ILDR2: variants seen among roughly 807,000 people sequenced by gnomAD.
The protein encoded by ILDR2 is immunoglobulin like domain containing receptor 2, also known as immunoglobulin-like domain-containing receptor 2.
A neutral mutation model predicts 66.8 loss-of-function variants in ILDR2; 25 were observed. That is an observed-to-expected ratio of 0.37 (90% CI 0.27 to 0.52). The LOEUF (loss-of-function observed/expected upper bound fraction) is 0.52, where lower values mean the gene tolerates loss of function less well. Among genes scored for constraint, ILDR2 ranks in the 20% least tolerant of loss-of-function variants. The pLI, the probability that ILDR2 is intolerant of heterozygous loss-of-function variation, is 0.88. For synonymous variants in ILDR2, 367 were observed against 357.2 expected, an observed-to-expected ratio of 1.03 and a Z score of -0.31; for missense variants, 827 against 876.8, an observed-to-expected ratio of 0.94 and a Z score of 0.72.
At chr1:166,954,436 AGATTTCT>A (rs955572446) in intron 3 of ILDR2, among the ~76,000 whole-genome samples, 8 of 152,218 alleles carry the variant, frequency 5.3e-5, no homozygotes, top group African/African-American at 1.7e-4. Flanking sequence ...AAATTTTTGT[AGATTTCT>A]AACTAACCCC....
chr1:166,938,661 A>G (rs1357778981), intron 4 of ILDR2, among the ~76,000 whole-genome samples: 3 of 152,232 alleles, frequency 2.0e-5, no homozygotes, highest in Non-Finnish European at 4.4e-5. Flanking sequence ...GTTTTTAAAA[A>G]TTTGGATTAA....
intron 7 of ILDR2, among the ~76,000 whole-genome samples, chr1:166,924,011 C>G (rs536684979): frequency 5.6e-5 from 8 of 142,852 alleles, no homozygotes; most frequent in African/African-American, 2.1e-4. Flanking sequence ...TCCCCCCTTG[C>G]TATCCCCAAG....
chr1:166,906,395 A>G (rs1659350705), downstream of ILDR2, among the ~76,000 whole-genome samples: 1 of 152,188 alleles, frequency 6.6e-6, no homozygotes. Flanking sequence ...TTCCTAAAAG[A>G]TGCAACATCC....
At chr1:166,963,019 C>T (rs1662713707) in intron 1 of ILDR2, among the ~76,000 whole-genome samples, 1 of 152,204 alleles carries the variant, frequency 6.6e-6, no homozygotes, top group Non-Finnish European at 1.5e-5. Context: ...ATCGTCTCCT[C>T]TTTTCCCACC....
At chr1:166,972,202 ACT>A (rs1262128057) in intron 1 of ILDR2, among the ~76,000 whole-genome samples, 2 of 150,548 alleles carry the variant, frequency 1.3e-5, no homozygotes, top group Non-Finnish European at 3.0e-5. Context: ...ACAGAGTGAG[ACT>A]CTGTCTCTCA....
rs1057198618 is a variant in ILDR2, at chr1:166,913,221, T to C, written c.*6134A>G. ...GTAACAAATGTAGGTAAGAATTCTTTATTACGTTTAAAACATTACAACCAA... is the reference window on the plus strand; with the variant it reads ...GTAACAAATGTAGGTAAGAATTCTTCATTACGTTTAAAACATTACAACCAA... On this transcript the variant is annotated 3_prime_UTR_variant, in exon 10 of 10. Coordinates refer to ENST00000271417, the MANE Select transcript of ILDR2 (RefSeq NM_199351.3). 6.6e-6 allele frequency: 1 copy of C among 152,184 alleles called. No homozygotes were observed. Among genetic ancestry groups the C allele is most frequent in the Non-Finnish European group, 1.5e-5 (1 of 68,030 alleles). 9.4% of individuals were successfully genotyped at this position (152,184 alleles called of 1,614,324 possible).
chr1:166,912,805 A>G lies in ILDR2; in HGVS notation c.*6550T>C, dbSNP rs1659498407. 3 of 152,224 alleles carry G rather than the reference A, an allele frequency of 2.0e-5. No homozygotes were observed. Among genetic ancestry groups the G allele is most frequent in the Admixed American group, 2.0e-4 (3 of 15,282 alleles). 9.4% of individuals were successfully genotyped at this position (152,224 alleles called of 1,614,324 possible). ...GCTGTGGAATTTCTCAAATCTTAAC[A>G]GAACTTGAAATGTCCTCCCACGAAT... On this transcript the variant is annotated 3_prime_UTR_variant, in exon 10 of 10. Transcript: ENST00000271417.
At chr1:166,951,150 C>T (rs1195845611) in intron 3 of ILDR2, among the ~76,000 whole-genome samples, 2 of 152,168 alleles carry the variant, frequency 1.3e-5, no homozygotes, top group Non-Finnish European at 2.9e-5. Context: ...GGGTGGTATA[C>T]TACAGTCCTC....
Position 166,936,715 on chromosome 1 carries a change from C to A in ILDR2, c.579G>T (p.Val193=). Residue 193 remains valine (V), a synonymous_variant, in exon 5 of 10, where the codon GTG becomes GTT. Coordinates refer to ENST00000271417, the MANE Select transcript of ILDR2 (RefSeq NM_199351.3). This position sits in a 1 kb window ranked among gnomAD's most constrained non-coding sequence, Gnocchi z 5.0. Reference sequence around the variant, plus strand: ...CGAAGAAGAGGAAGACGCCCAGGAGCACCAGGCCAACAAACACCCACTCTG... The same window carrying A: ...CGAAGAAGAGGAAGACGCCCAGGAGAACCAGGCCAACAAACACCCACTCTG... ...IMPEWVFVGL[V]LLGVFLFFVL... is the part of the protein sequence containing the mutation. 1 of 1,614,128 alleles carries A rather than the reference C, an allele frequency of 6.2e-7. No individual in the cohort carries two copies. Among genetic ancestry groups the A allele is most frequent in the Admixed American group, 1.7e-5 (1 of 60,030 alleles).
chr1:166,898,694 T>C (rs1206731436), intron 2 of ILDR2, among the ~76,000 whole-genome samples: 1 of 152,248 alleles, frequency 6.6e-6, no homozygotes, highest in Non-Finnish European at 1.5e-5. Flanking sequence ...CTTTTCTTAA[T>C]GCCAAAGACA....
chr1:166,896,784 T>C (rs976860118), intron 2 of ILDR2, among the ~76,000 whole-genome samples: 2 of 151,922 alleles, frequency 1.3e-5, no homozygotes, highest in African/African-American at 2.4e-5. Flanking sequence ...TACAGGCACA[T>C]GTCACCACAC....
At chr1:166,968,022 C>T (rs1424344505) in intron 1 of ILDR2, among the ~76,000 whole-genome samples, 1 of 152,100 alleles carries the variant, frequency 6.6e-6, no homozygotes, top group Non-Finnish European at 1.5e-5. Context: ...CTGCTACAAG[C>T]CTTGTCCATG....
At chr1:166,933,131 C>T (rs1256396114) in intron 6 of ILDR2, among the ~76,000 whole-genome samples, 3 of 152,172 alleles carry the variant, frequency 2.0e-5, no homozygotes, top group South Asian at 2.1e-4. Context: ...CTAACAGAAC[C>T]GTGATTTTGT....
intron 6 of ILDR2, among the ~76,000 whole-genome samples, chr1:166,933,719 A>C (rs1660772818): frequency 6.6e-6 from 1 of 152,216 alleles, no homozygotes; most frequent in Non-Finnish European, 1.5e-5. Flanking sequence ...AAAGACAAAG[A>C]GTATGAGATA....
In ILDR2 at chr1:166,924,487, C is replaced by A. The variant is rs140650034; in HGVS notation, c.995-1678G>T. ...TAAGTTGTATATTGTGCTAAAATTTCTGCCAAGTTGAACATAAACATCGAC... is the reference window on the plus strand; with the variant it reads ...TAAGTTGTATATTGTGCTAAAATTTATGCCAAGTTGAACATAAACATCGAC... On this transcript the variant is annotated intron_variant, in intron 7 of 9. Transcript: ENST00000271417. Among the ~76,000 whole-genome samples, 55 of 152,298 alleles carry A rather than the reference C, an allele frequency of 3.6e-4. No individual in the cohort carries two copies. The East Asian group carries it at 0.01, about 28-fold the overall frequency.
At chr1:166,952,444 T>G (rs1662036016) in intron 3 of ILDR2, among the ~76,000 whole-genome samples, 1 of 152,172 alleles carries the variant, frequency 6.6e-6, no homozygotes, top group African/African-American at 2.4e-5. Flanking sequence ...AAAAAGACAT[T>G]AAAGGGTGTT....
chr1:166,939,501 A>C lies in ILDR2; in HGVS notation c.556+13T>G. The C allele has an allele frequency of 1.2e-6, 2 of 1,610,628 alleles. No individual in the cohort carries two copies. Among genetic ancestry groups the C allele is most frequent in the East Asian group, 2.2e-5 (1 of 44,878 alleles). On this transcript the variant is annotated intron_variant, in intron 4 of 9. Transcript: ENST00000271417. Reference sequence around the variant, plus strand: ...AGCAAATCAAGCAAATAAAGAGTTAAATGACCGAATACCTGGCATAATCTC... The same window carrying C: ...AGCAAATCAAGCAAATAAAGAGTTACATGACCGAATACCTGGCATAATCTC...
At chr1:166,941,391 G>C (rs1023017875) in intron 3 of ILDR2, among the ~76,000 whole-genome samples, 3 of 152,180 alleles carry the variant, frequency 2.0e-5, no homozygotes, top group African/African-American at 7.2e-5. Context: ...TGCCCCTAAG[G>C]CTTACGCAGT....
At chr1:166,905,719 C>T (rs1335261048), downstream of ILDR2, among the ~76,000 whole-genome samples, 1 of 152,158 alleles carries the variant, frequency 6.6e-6, no homozygotes, top group Admixed American at 6.5e-5. Flanking sequence ...GGACTGGTTG[C>T]CTCCTTCATG....
Sources: gnomAD v4.1 joint callset for allele counts (sites outside exome capture counted in the v4.1 genomes callset) on GRCh38, gnomAD v4.1.1 for gene constraint, Gnocchi (gnomAD v3.1) non-coding constraint, MANE v1.5 for transcripts, NCBI Gene and HGNC (gene_info 2026-07-23, HGNC 2026-07-21) for gene names.